SLC25A48: variants seen among roughly 807,000 people sequenced by gnomAD.
SLC25A48 encodes the protein CTC-321K16.1.
SLC25A48 carries 29 observed loss-of-function variants against 32.2 expected under a neutral mutation model. The observed-to-expected ratio is 0.90, with a 90% CI of 0.67 to 1.23. SLC25A48 has a LOEUF of 1.23. Ranked by LOEUF, SLC25A48 falls within the 50% of genes most tolerant of loss-of-function variation. The probability of loss-of-function intolerance (pLI) is 0.00; values close to 1 mark genes in which losing one functional copy is unlikely to be tolerated. For synonymous variants in SLC25A48, 164 were observed against 172.3 expected, an observed-to-expected ratio of 0.95 and a Z score of 0.38; for missense variants, 399 against 422.7, an observed-to-expected ratio of 0.94 and a Z score of 0.49.
At chr5:135,759,987 G>A (rs1436111923) in intron 3 of SLC25A48, among the ~76,000 whole-genome samples, 2 of 151,730 alleles carry the variant, frequency 1.3e-5, no homozygotes, top group East Asian at 1.9e-4. Context: ...GCACCACCAC[G>A]TCCAGCTAAT....
chr5:135,874,157 A>G lies in SLC25A48; in HGVS notation c.813+3A>G. On this transcript the variant is annotated splice_donor_region_variant and intron_variant, in intron 6 of 7. Transcript: ENST00000681962. ...GTTACCAGAAGGAAGGTCTTAAAGT[A>G]AGCCCACAGCAGGCCTGCGGGGTCA... 1.4e-6 allele frequency: 2 copies of G among 1,451,488 alleles called. No individual in the cohort carries two copies. The allele number at this position is 1,451,488 out of a possible 1,614,324, so 89.9% of individuals were successfully genotyped here. A position where few individuals can be genotyped will look rare whatever the true frequency, so the allele number is the denominator to read the frequency against.
intron 3 of SLC25A48, among the ~76,000 whole-genome samples, chr5:135,638,669 T>A (rs1004627577): frequency 6.6e-6 from 1 of 152,218 alleles, no homozygotes; most frequent in Non-Finnish European, 1.5e-5. Context: ...AGTGGTGTGA[T>A]TGATTTCATG....
intron 3 of SLC25A48, among the ~76,000 whole-genome samples, chr5:135,798,679 C>T (rs1757246441): frequency 6.6e-6 from 1 of 151,468 alleles, no homozygotes; most frequent in African/African-American, 2.4e-5. Context: ...TAATATTACT[C>T]CCTAAATCGC....
intron 3 of SLC25A48, among the ~76,000 whole-genome samples, chr5:135,641,284 A>T (rs1194852087): frequency 6.6e-6 from 1 of 152,200 alleles, no homozygotes; most frequent in Admixed American, 6.5e-5. Context: ...ATTTTAGAAG[A>T]TATTTGTGAC....
intron 4 of SLC25A48, among the ~76,000 whole-genome samples, chr5:135,862,566 G>T (rs76009230): frequency 0.043 from 6,528 of 152,302 alleles, 469 homozygotes; most frequent in African/African-American, 0.15. Flanking sequence ...CTAGTGGGGA[G>T]CCAGATGTGT....
intron 3 of SLC25A48, among the ~76,000 whole-genome samples, chr5:135,749,844 G>A (rs372619941): frequency 6.6e-6 from 1 of 152,030 alleles, no homozygotes; most frequent in Non-Finnish European, 1.5e-5. Context: ...CGCCTGCCTC[G>A]GAATCCCAAA....
intron 3 of SLC25A48, among the ~76,000 whole-genome samples, chr5:135,689,556 T>C (rs12518383): frequency 0.02 from 3,077 of 152,252 alleles, 45 homozygotes; most frequent in Non-Finnish European, 0.028. Context: ...AGTCCTACAG[T>C]AATAGAGGTG....
intron 3 of SLC25A48, among the ~76,000 whole-genome samples, chr5:135,790,080 T>C (rs1756984572): frequency 6.6e-6 from 1 of 151,764 alleles, no homozygotes; most frequent in African/African-American, 2.4e-5. Flanking sequence ...CCACGTGTGA[T>C]ATTAGGAGTA....
At chr5:135,835,175 G>A (rs1291139195) in intron 1 of SLC25A48, 15 of 648,408 alleles carry the variant, frequency 2.3e-5, no homozygotes, top group Non-Finnish European at 4.3e-5. Context: ...GCTCGTCAAA[G>A]CCCACAGCCA....
chr5:135,848,956 G>A (rs964658709), intron 2 of SLC25A48, among the ~76,000 whole-genome samples: 1 of 152,164 alleles, frequency 6.6e-6, no homozygotes, highest in Non-Finnish European at 1.5e-5. Context: ...GTCCAATGAA[G>A]CTTTAGCCTT....
Position 135,798,834 on chromosome 5 carries a change from C to T in SLC25A48, c.-520-13689C>T, listed in dbSNP as rs116756465. On this transcript the variant is annotated intron_variant, in intron 3 of 10. Transcript: ENST00000646290. ...GTGGGAGAGAGGATGATACTACTCCCGATATTGTAGAAGTTGTACACTTTG... is the reference window on the plus strand; with the variant it reads ...GTGGGAGAGAGGATGATACTACTCCTGATATTGTAGAAGTTGTACACTTTG... Among the ~76,000 whole-genome samples the T allele has an allele frequency of 6.6e-3, 1,003 of 151,486 alleles. 8 individuals carry two copies. The highest frequency in any genetic ancestry group is 0.023 in the African/African-American group (940 of 41,334).
At chr5:135,600,949 CAA>C (rs1198561021) in intron 1 of SLC25A48, 2 of 152,018 alleles carry the variant, frequency 1.3e-5, no homozygotes, top group Admixed American at 6.6e-5. Context: ...CTCGGCCTCC[CAA>C]AGTGCTGGGA....
At chr5:135,639,169 AG>A (rs1752775900) in intron 3 of SLC25A48, among the ~76,000 whole-genome samples, 1 of 152,230 alleles carries the variant, frequency 6.6e-6, no homozygotes, top group South Asian at 2.1e-4. Flanking sequence ...TTTGGGCAAC[AG>A]TTACTTGGCA....
intron 3 of SLC25A48, among the ~76,000 whole-genome samples, chr5:135,771,095 T>TG (rs34710964): frequency 0.3 from 45,826 of 151,050 alleles, 7,102 homozygotes; most frequent in East Asian, 0.46. Flanking sequence ...TTCAATATCG[T>TG]GGGGGTGTAC....
intron 4 of SLC25A48, among the ~76,000 whole-genome samples, chr5:135,818,057 CT>C (rs1757775171): frequency 1.0e-3 from 5 of 4,982 alleles, no homozygotes; most frequent in Non-Finnish European, 4.2e-3. Flanking sequence ...CTCTGTTCCT[CT>C]CTCTCTCTCT....
chr5:135,834,437 G>T (rs952432975), upstream of SLC25A48, among the ~76,000 whole-genome samples: 1 of 152,248 alleles, frequency 6.6e-6, no homozygotes, highest in African/African-American at 2.4e-5. Flanking sequence ...GGAGATACGC[G>T]CATTGCCGTC....
At chr5:135,760,002 G>A (rs1756022359) in intron 3 of SLC25A48, among the ~76,000 whole-genome samples, 1 of 151,716 alleles carries the variant, frequency 6.6e-6, no homozygotes, top group Non-Finnish European at 1.5e-5. Flanking sequence ...GCTAATTTTT[G>A]TATTTTTTGT....
rs894127942 is a variant in SLC25A48, at chr5:135,871,979, G to A, written c.679+261G>A. The A allele has an allele frequency of 9.6e-6, 13 of 1,354,730 alleles. No individual in the cohort carries two copies. In the African/African-American group the frequency reaches 1.9e-4, roughly 20 times the overall value. 83.9% of individuals were successfully genotyped at this position (1,354,730 alleles called of 1,614,324 possible). A position where few individuals can be genotyped will look rare whatever the true frequency, so the allele number is the denominator to read the frequency against. ...ATTTTGAACACATACTCTGTGTCAG[G>A]CATTACTAAGCTTTGGAAAGGAAAT... On this transcript the variant is annotated intron_variant, in intron 5 of 7. Transcript: ENST00000681962.
chr5:135,710,292 A>T (rs1037902964), intron 3 of SLC25A48, among the ~76,000 whole-genome samples: 1 of 152,240 alleles, frequency 6.6e-6, no homozygotes, highest in Non-Finnish European at 1.5e-5. Flanking sequence ...TATAGCCTCA[A>T]TTACTGTCAT....
Sources: allele counts gnomAD v4.1 joint callset (sites outside exome capture counted in the v4.1 genomes callset), GRCh38; gene constraint gnomAD v4.1.1; transcripts MANE v1.5; gene names NCBI Gene and HGNC (gene_info 2026-07-23, HGNC 2026-07-21).